The following SPATS2L variants were observed in gnomAD, a reference collection of about 807,000 sequenced individuals.
The protein encoded by SPATS2L is spermatogenesis associated serine rich 2 like.
SPATS2L carries 30 observed loss-of-function variants against 59.6 expected under a neutral mutation model. The observed-to-expected ratio is 0.50, with a 90% confidence interval of 0.38 to 0.68. The LOEUF is 0.68. Among genes scored for constraint, SPATS2L ranks in the 30% least tolerant of loss-of-function variants. The pLI is 0.00. For missense variants in SPATS2L, 615 were observed against 700.0 expected, an observed-to-expected ratio of 0.88 and a Z score of 1.37; for synonymous variants, 252 against 263.5, an observed-to-expected ratio of 0.96 and a Z score of 0.42.
chr2:200,387,126 G>A (rs2082016506), intron 2 of SPATS2L, among the ~76,000 whole-genome samples: 2 of 152,162 alleles, frequency 1.3e-5, no homozygotes, highest in Non-Finnish European at 2.9e-5. Context: ...CTTTACAAAC[G>A]AGTAACTTTC....
At chr2:200,386,554 C>A (rs1035020435) in intron 2 of SPATS2L, among the ~76,000 whole-genome samples, 1 of 152,210 alleles carries the variant, frequency 6.6e-6, no homozygotes, top group African/African-American at 2.4e-5. Flanking sequence ...TGGAATTCCT[C>A]CCTGATTCCT....
At chr2:200,322,572 G>C (rs907792217) in intron 1 of SPATS2L, among the ~76,000 whole-genome samples, 1 of 152,220 alleles carries the variant, frequency 6.6e-6, no homozygotes, top group East Asian at 1.9e-4. Context: ...CTGACAAGTT[G>C]TCTTTAAAAA....
At position 200,378,251 on chromosome 2, in the gene SPATS2L, A is replaced by G. The variant is rs573459706; in HGVS notation, c.-22-10972A>G. ...ACTATTGAGATGACTTACTGGTCAC[A>G]GTAAAAGCAAGTTGATAAAGGTGGC... On this transcript the variant is annotated intron_variant, in intron 2 of 12. Coordinates refer to ENST00000409140, the MANE Select transcript of SPATS2L (RefSeq NM_001100423.2). The G allele has an allele frequency of 2.9e-5, 29 of 1,002,552 alleles. No homozygotes were observed. The South Asian group carries it at 1.4e-3, about 47-fold the overall frequency. 62.1% of individuals were successfully genotyped at this position (1,002,552 alleles called of 1,614,324 possible).
intron 2 of SPATS2L, among the ~76,000 whole-genome samples, chr2:200,371,511 A>G (rs1037703498): frequency 6.6e-6 from 1 of 152,186 alleles, no homozygotes; most frequent in East Asian, 1.9e-4. Context: ...ATGTTTGAGC[A>G]AGGTCTGGAT....
At chr2:200,353,736 A>G (rs1169691440) in intron 2 of SPATS2L, among the ~76,000 whole-genome samples, 1 of 152,206 alleles carries the variant, frequency 6.6e-6, no homozygotes, top group African/African-American at 2.4e-5. Context: ...AAATGAACAC[A>G]TAATCAACTC....
intron 4 of SPATS2L, among the ~76,000 whole-genome samples, chr2:200,414,480 A>G (rs991104177): frequency 4.6e-5 from 7 of 152,028 alleles, no homozygotes; most frequent in African/African-American, 1.7e-4. Context: ...TTTGTTTTTA[A>G]TTAGTCTAGA....
chr2:200,372,652 C>T (rs141476719), intron 2 of SPATS2L, among the ~76,000 whole-genome samples: 1 of 152,248 alleles, frequency 6.6e-6, no homozygotes, highest in Admixed American at 6.5e-5. Context: ...TTTTAAGCTA[C>T]ATATTCCCTT....
chr2:200,370,370 C>T (rs1248604092), intron 2 of SPATS2L, among the ~76,000 whole-genome samples: 1 of 152,076 alleles, frequency 6.6e-6, no homozygotes, highest in Non-Finnish European at 1.5e-5. Context: ...GCAGTTTTCA[C>T]AATATCTCGG....
At chr2:200,466,441 C>G (rs886239237) in intron 9 of SPATS2L, among the ~76,000 whole-genome samples, 2 of 152,252 alleles carry the variant, frequency 1.3e-5, no homozygotes, top group African/African-American at 2.4e-5. Flanking sequence ...TTGATTGCTA[C>G]TGAGCGCCAT....
intron 1 of SPATS2L, among the ~76,000 whole-genome samples, chr2:200,315,856 CAAAAAAAAAAAA>C (rs374718905): frequency 5.5e-5 from 5 of 90,934 alleles, no homozygotes; most frequent in Admixed American, 2.5e-4. Flanking sequence ...ACCAAAAATC[CAAAAAAAAAAAA>C]AAAAAAAAGA....
intron 3 of SPATS2L, among the ~76,000 whole-genome samples, chr2:200,403,872 C>T (rs1289266544): frequency 6.6e-6 from 1 of 152,204 alleles, no homozygotes; most frequent in Non-Finnish European, 1.5e-5. Flanking sequence ...ATAAGGGCAG[C>T]TCTAAACCTT....
At chr2:200,411,287 T>A (rs2082869658) in intron 3 of SPATS2L, among the ~76,000 whole-genome samples, 1 of 152,190 alleles carries the variant, frequency 6.6e-6, no homozygotes, top group African/African-American at 2.4e-5. Flanking sequence ...GGCCATCTTG[T>A]TCAATGAAAT....
intron 3 of SPATS2L, among the ~76,000 whole-genome samples, chr2:200,403,508 T>C (rs1380335107): frequency 1.1e-4 from 17 of 152,320 alleles, no homozygotes; most frequent in Admixed American, 1.1e-3. Flanking sequence ...CATGTCCTTA[T>C]CATTGACCTC....
At chr2:200,320,779 T>C (rs948471242) in intron 1 of SPATS2L, among the ~76,000 whole-genome samples, 1 of 152,246 alleles carries the variant, frequency 6.6e-6, no homozygotes, top group South Asian at 2.1e-4. Flanking sequence ...AAGTAACACA[T>C]ATGGTGCTTT....
At chr2:200,355,381 G>A (rs931983279) in intron 2 of SPATS2L, among the ~76,000 whole-genome samples, 1 of 152,276 alleles carries the variant, frequency 6.6e-6, no homozygotes, top group African/African-American at 2.4e-5. Flanking sequence ...GATTCATTTG[G>A]ATTTACAAGT....
chr2:200,348,551 C>A (rs2080599151), intron 2 of SPATS2L, among the ~76,000 whole-genome samples: 1 of 152,164 alleles, frequency 6.6e-6, no homozygotes, highest in African/African-American at 2.4e-5. Context: ...CAGGGACTGG[C>A]TATCTGAGCT....
chr2:200,473,923 C>G (rs1574751302), intron 12 of SPATS2L, among the ~76,000 whole-genome samples: 1 of 151,988 alleles, frequency 6.6e-6, no homozygotes, highest in Non-Finnish European at 1.5e-5. Flanking sequence ...TTGCTTGAAC[C>G]CGGGAGGCGG....
At chr2:200,359,254 C>T (rs912041876) in intron 2 of SPATS2L, among the ~76,000 whole-genome samples, 1 of 152,114 alleles carries the variant, frequency 6.6e-6, no homozygotes, top group Admixed American at 6.5e-5. Flanking sequence ...TGTTCAGTTT[C>T]ATACTTTCTT....
chr2:200,424,145 A>C (rs2083425470), intron 6 of SPATS2L, among the ~76,000 whole-genome samples: 1 of 152,160 alleles, frequency 6.6e-6, no homozygotes, highest in African/African-American at 2.4e-5. Context: ...AATCCAATCA[A>C]AATCATCCTG....
Sources: gnomAD v4.1 joint callset for allele counts (sites outside exome capture counted in the v4.1 genomes callset) on GRCh38, gnomAD v4.1.1 for gene constraint, MANE v1.5 for transcripts, NCBI Gene and HGNC (gene_info 2026-07-23, HGNC 2026-07-21) for gene names.